COMMD5: variants seen among roughly 807,000 people sequenced by gnomAD.
The protein encoded by COMMD5 is COMM domain-containing protein 5.
Under a neutral mutation model 6.9 loss-of-function variants are expected in COMMD5, and 10 were observed. The observed-to-expected ratio is 1.44, with a 90% CI of 0.89 to 2.45. COMMD5 has a LOEUF of 2.45. COMMD5 is among the 30% of genes most tolerant of loss of function. The pLI, the probability that COMMD5 is intolerant of heterozygous loss-of-function variation, is 0.00. For synonymous variants in COMMD5, 127 were observed against 125.3 expected (o/e 1.01, Z -0.09); for missense variants, 234 against 287.8 (o/e 0.81, Z 1.35).
downstream of COMMD5, among the ~76,000 whole-genome samples, chr8:144,839,395 C>T (rs1470566511): frequency 6.6e-6 from 1 of 152,260 alleles, no homozygotes; most frequent in Admixed American, 6.5e-5. Flanking sequence ...GTGATCCTTT[C>T]TGCTCAGTCT....
upstream of COMMD5, chr8:144,853,204 TTAGACA>T (rs1390895802): frequency 4.0e-5 from 6 of 150,770 alleles, no homozygotes; most frequent in African/African-American, 1.5e-4. Context: ...AGACCTCGTC[TTAGACA>T]GTTTTTTTTT....
intron 1 of COMMD5, chr8:144,843,559 G>A (rs999053269): frequency 7.3e-6 from 1 of 137,024 alleles, no homozygotes; most frequent in Non-Finnish European, 1.5e-5. Context: ...CTGCACTCCA[G>A]CCTGGGTGAC....
chr8:144,848,237 T>C (rs916161952), downstream of COMMD5, among the ~76,000 whole-genome samples: 4 of 151,236 alleles, frequency 2.6e-5, no homozygotes, highest in African/African-American at 4.9e-5. Flanking sequence ...GCCCAGGAGG[T>C]TGAGGCTACA....
At position 144,850,228 on chromosome 8, in the gene COMMD5, C is replaced by T. The variant is rs937422125; in HGVS notation, c.*436G>A. The T allele has an allele frequency of 3.7e-5, 6 of 161,144 alleles. No homozygotes were observed. The highest frequency in any genetic ancestry group is 6.8e-5 in the Non-Finnish European group (5 of 73,664). 10.0% of individuals were successfully genotyped at this position (161,144 alleles called of 1,614,324 possible). A position where few individuals can be genotyped will look rare whatever the true frequency, so the allele number is the denominator to read the frequency against. The stretch of plus-strand genomic sequence containing the variant: ...ACAATGTTTCCCCTCCCCTCAGCCG[C>T]ACTAGAATGTCAGCTCCATGGGGTC... On this transcript the variant is annotated 3_prime_UTR_variant, in exon 2 of 2. Coordinates refer to ENST00000305103, the MANE Select transcript of COMMD5 (RefSeq NM_014066.4). The surrounding 1 kb of genome is among the most constrained non-coding windows in gnomAD (Gnocchi z 4.0).
chr8:144,840,068 G>A (rs1053477526), downstream of COMMD5, among the ~76,000 whole-genome samples: 3 of 152,346 alleles, frequency 2.0e-5, no homozygotes, highest in Admixed American at 6.5e-5. Context: ...CCAAGTAGCC[G>A]GGATTACAGG....
At position 144,842,456 on chromosome 8, in the gene COMMD5, T is replaced by C; in HGVS notation, c.*117-713A>G. 3.1e-6 allele frequency: 5 copies of C among 1,614,058 alleles called. No homozygotes were observed. The highest frequency in any genetic ancestry group is 4.2e-6 in the Non-Finnish European group (5 of 1,180,030). The stretch of plus-strand genomic sequence containing the variant: ...AAATGCAACAAGTGTACAAAAGCCT[T>C]TGGTTGTAGTTCACGGCTTATTCGC... On this transcript the variant is annotated intron_variant and NMD_transcript_variant, in intron 1 of 1. Coordinates refer to the COMMD5 transcript ENST00000530332.
In COMMD5 at chr8:144,841,341, C is replaced by G; in HGVS notation, c.*519G>C. On this transcript the variant is annotated 3_prime_UTR_variant and NMD_transcript_variant, in exon 2 of 2. Transcript: ENST00000530332. ...ACAGGGCCTAAGGAACGTCTTTGTT[C>G]CTGTTTATTTCAGATTCTACGATTA... 6.3e-7 allele frequency: 1 copy of G among 1,590,618 alleles called. No homozygotes were observed. Among genetic ancestry groups the G allele is most frequent in the Non-Finnish European group, 8.6e-7 (1 of 1,166,008 alleles).
At chr8:144,847,191 AG>A (rs3834366), downstream of COMMD5, 57,188 of 152,178 alleles carry the variant, frequency 0.38, 10,862 homozygotes, top group South Asian at 0.46. Context: ...GGAGAGGGAG[AG>A]GAAGAGGGGC....
intron 1 of COMMD5, among the ~76,000 whole-genome samples, chr8:144,851,863 T>G (rs907804613): frequency 3.3e-5 from 5 of 152,088 alleles, no homozygotes; most frequent in African/African-American, 1.2e-4. Flanking sequence ...CTAGGCCAGG[T>G]GCAGTGGCTC....
rs963357397 is a variant in COMMD5, at chr8:144,842,304, C to T, written c.*117-561G>A. On this transcript the variant is annotated intron_variant and NMD_transcript_variant, in intron 1 of 1. Transcript: ENST00000530332. ...TTCTAAAAGCCTCAGACAGTCCAAG[C>T]CTTGTTGCACATCAGAGAATTCACG... 4.3e-6 allele frequency: 7 copies of T among 1,613,886 alleles called. No individual in the cohort carries two copies. In the African/African-American group the frequency reaches 8.0e-5, roughly 18 times the overall value.
downstream of COMMD5, chr8:144,846,313 G>C: frequency 2.3e-6 from 2 of 859,138 alleles, no homozygotes; most frequent in South Asian, 3.9e-5. Flanking sequence ...TCCTAAGTCA[G>C]GGGCTGGCAA....
At chr8:144,843,266 T>C (rs1830210931) in intron 1 of COMMD5, 1 of 1,379,580 alleles carries the variant, frequency 7.2e-7, no homozygotes, top group Admixed American at 2.4e-5. Context: ...ATGTAGAATG[T>C]TGGTAAAGGT....
chr8:144,845,956 C>T, downstream of COMMD5: 2 of 1,535,290 alleles, frequency 1.3e-6, no homozygotes, highest in Non-Finnish European at 1.7e-6. Context: ...ACAGGGGTTG[C>T]TGTTGCTTTT....
downstream of COMMD5, among the ~76,000 whole-genome samples, chr8:144,840,494 C>T (rs1030895718): frequency 4.6e-5 from 7 of 152,212 alleles, no homozygotes; most frequent in South Asian, 6.2e-4. Context: ...TGGTGGGGAC[C>T]GTGGTTGTCA....
In COMMD5 at chr8:144,851,255, C is replaced by G; in HGVS notation, c.84G>C (p.Gln28His). 2 of 1,614,090 alleles carry G rather than the reference C, an allele frequency of 1.2e-6. No individual in the cohort carries two copies. ...HSGRVSFLGA[Q>H]LPPEVAAMAR... ...CCATTGCTGCCACCTCTGGAGGAAG[C>G]TGGGCCCCCAAGAAACTCACTCGGC... The change falls in exon 2 of 2, where the codon CAG becomes CAC. Residue 28 changes from glutamine to histidine, a missense_variant. Gln to His is a conservative substitution (Grantham distance 24, BLOSUM62 0). Coordinates refer to ENST00000305103, the MANE Select transcript of COMMD5 (RefSeq NM_014066.4).
chr8:144,851,369 CAGG>C lies in COMMD5; in HGVS notation c.-34_-32del. 1 of 1,578,250 alleles carries C rather than the reference CAGG, an allele frequency of 6.3e-7. No individual in the cohort carries two copies. Among genetic ancestry groups the C allele is most frequent in the Non-Finnish European group, 8.6e-7 (1 of 1,159,220 alleles). ...CTGCTTCCTCTTTGATCAGCCAGCC[CAGG>C]AGGTCGGTCCCAGATGCAGATGCCT... On this transcript the variant is annotated 5_prime_UTR_variant, in exon 2 of 2. Coordinates refer to ENST00000305103, the MANE Select transcript of COMMD5 (RefSeq NM_014066.4).
chr8:144,840,430 C>T (rs145362326), downstream of COMMD5, among the ~76,000 whole-genome samples: 9 of 152,102 alleles, frequency 5.9e-5, no homozygotes, highest in South Asian at 2.1e-4. Flanking sequence ...GGGGTAGACT[C>T]GGGCTGGTTA....
chr8:144,849,201 G>A (rs769091995), downstream of COMMD5, among the ~76,000 whole-genome samples: 1 of 152,228 alleles, frequency 6.6e-6, no homozygotes, highest in African/African-American at 2.4e-5. Flanking sequence ...TGGGGACAGA[G>A]AATGCAGGAA....
At chr8:144,841,713 C>A in exon 2 of COMMD5, 1 of 1,614,134 alleles carries the variant, frequency 6.2e-7, no homozygotes, top group Non-Finnish European at 8.5e-7. Flanking sequence ...AGGAGTGTGG[C>A]AAAGGCATCA....
Sources: allele counts gnomAD v4.1 joint callset (sites outside exome capture counted in the v4.1 genomes callset), GRCh38; gene constraint gnomAD v4.1.1; non-coding constraint Gnocchi (gnomAD v3.1); transcripts MANE v1.5; gene names NCBI Gene and HGNC (gene_info 2026-07-23, HGNC 2026-07-21).